Variants in RXRG observed in about 807,000 individuals in gnomAD.
RXRG encodes the protein retinoid X receptor gamma, also known as retinoic acid receptor RXR-gamma.
Under a neutral mutation model 49.2 loss-of-function variants are expected in RXRG, and 19 were observed. The observed-to-expected ratio is 0.39, with a 90% CI of 0.27 to 0.57. The LOEUF (loss-of-function observed/expected upper bound fraction) is 0.57. Ranked by LOEUF, RXRG falls within the 20% of genes least tolerant of loss-of-function variation. The pLI is 0.64. For synonymous variants in RXRG, 224 were observed against 216.6 expected, an observed-to-expected ratio of 1.03 and a Z score of -0.30; for missense variants, 452 against 592.5, an observed-to-expected ratio of 0.76 and a Z score of 2.46.
intron 1 of RXRG, among the ~76,000 whole-genome samples, chr1:165,431,185 C>T (rs1007291931): frequency 6.6e-6 from 1 of 152,328 alleles, no homozygotes; most frequent in South Asian, 2.1e-4. Flanking sequence ...AACCCACGCT[C>T]TCCTCTGTGT....
chr1:165,436,317 G>A (rs1400315734), intron 1 of RXRG, among the ~76,000 whole-genome samples: 1 of 152,228 alleles, frequency 6.6e-6, no homozygotes, highest in Non-Finnish European at 1.5e-5. Context: ...GAACCACAGT[G>A]AGTCCTCCTC....
chr1:165,439,263 G>C (rs1310547358), intron 1 of RXRG, among the ~76,000 whole-genome samples: 1 of 130,164 alleles, frequency 7.7e-6, no homozygotes, highest in Non-Finnish European at 1.6e-5. Context: ...TTAGGGGAGG[G>C]GGGCGGGGGT....
At chr1:165,419,017 T>C (rs1252856453) in intron 3 of RXRG, among the ~76,000 whole-genome samples, 1 of 152,192 alleles carries the variant, frequency 6.6e-6, no homozygotes, top group Non-Finnish European at 1.5e-5. Flanking sequence ...TGGACAGCTA[T>C]AGAAAAGAGA....
chr1:165,414,384 C>A (rs4657437), intron 4 of RXRG, among the ~76,000 whole-genome samples: 44,063 of 152,088 alleles, frequency 0.29, 7,717 homozygotes, highest in Non-Finnish European at 0.38. Context: ...AAACATTTAA[C>A]GAACCACAGT....
intron 2 of RXRG, chr1:165,424,934 G>C: frequency 1.0e-6 from 1 of 985,556 alleles, no homozygotes; most frequent in Non-Finnish European, 1.2e-6. Flanking sequence ...CATTGCTGCA[G>C]TGTGGTTCCG....
intron 1 of RXRG, among the ~76,000 whole-genome samples, chr1:165,441,089 C>T (rs2101749888): frequency 6.6e-6 from 1 of 152,344 alleles, no homozygotes; most frequent in Non-Finnish European, 1.5e-5. Flanking sequence ...CACATACAAG[C>T]AGGTCCAACT....
intron 2 of RXRG, among the ~76,000 whole-genome samples, chr1:165,421,350 C>G (rs1571277164): frequency 6.6e-6 from 1 of 152,132 alleles, no homozygotes; most frequent in South Asian, 2.1e-4. Flanking sequence ...TCCAGCACCA[C>G]CCCTTTTTTT....
At chr1:165,425,202 T>G (rs2101730756) in intron 2 of RXRG, among the ~76,000 whole-genome samples, 1 of 152,362 alleles carries the variant, frequency 6.6e-6, no homozygotes, top group Non-Finnish European at 1.5e-5. Context: ...CAGACTTGAG[T>G]GTGGTTGCTA....
Position 165,428,872 on chromosome 1 carries a change from G to A in RXRG, c.144C>T (p.Thr48=), listed in dbSNP as rs777314160. The A allele has an allele frequency of 1.2e-6, 2 of 1,614,108 alleles. No homozygotes were observed. Among genetic ancestry groups the A allele is most frequent in the South Asian group, 2.2e-5 (2 of 91,078 alleles). ...TCAGAGTCCGTGGGGCACTCACTGGGGTATCTGTGTAGCTGGGGTGGCTGT... is the reference window on the plus strand; with the variant it reads ...TCAGAGTCCGTGGGGCACTCACTGGAGTATCTGTGTAGCTGGGGTGGCTGT... The part of the protein sequence containing the change: ...PMDSHPSYTD[T]PVSAPRTLSA... Residue 48 remains threonine (T), a synonymous_variant, in exon 2 of 10, where the codon ACC becomes ACT. Transcript: ENST00000359842.
intron 1 of RXRG, among the ~76,000 whole-genome samples, chr1:165,434,967 T>C (rs1001950621): frequency 5.3e-5 from 8 of 152,214 alleles, no homozygotes; most frequent in African/African-American, 1.9e-4. Context: ...TAATAACTAA[T>C]ATTTACTGAG....
intron 2 of RXRG, 98 bp downstream of exon 2, chr1:165,428,621 G>T: frequency 7.3e-7 from 1 of 1,378,912 alleles, no homozygotes; most frequent in Non-Finnish European, 9.9e-7. Flanking sequence ...TGGCAAGCAC[G>T]CATTATGGAC....
At chr1:165,425,623 G>A (rs1658459571) in intron 2 of RXRG, among the ~76,000 whole-genome samples, 1 of 152,220 alleles carries the variant, frequency 6.6e-6, no homozygotes, top group Non-Finnish European at 1.5e-5. Context: ...CATACATTAT[G>A]AAGCATAGGG....
rs1238645397 is a variant in RXRG at position 165,417,119 on chromosome 1, G to A, written c.544C>T (p.Leu182Phe). ...IYTCRDNKDC[L>F]IDKRQRNRCQ... ...CGGTTGCGCTGACGCTTGTCAATGA[G>A]GCAGTCTTTATTATCCCGACACGTG... The change falls in exon 4 of 10, where the codon CTC becomes TTC. Residue 182 changes from leucine (L) to phenylalanine (F), a missense_variant. Physicochemically the swap from Leu to Phe is conservative, Grantham distance 22 (BLOSUM62 0). Around this residue, in one of 2 missense-constraint regions of RXRG, gnomAD observed 286 missense variants for 440.9 expected, o/e 0.65. Coordinates refer to ENST00000359842, the MANE Select transcript of RXRG (RefSeq NM_006917.5). The A allele has an allele frequency of 3.1e-6, 5 of 1,614,066 alleles. No individual in the cohort carries two copies. The highest frequency in any genetic ancestry group is 4.2e-6 in the Non-Finnish European group (5 of 1,180,022).
intron 2 of RXRG, among the ~76,000 whole-genome samples, chr1:165,424,463 C>G (rs1048432169): frequency 2.0e-5 from 3 of 152,222 alleles, no homozygotes; most frequent in Non-Finnish European, 4.4e-5. Context: ...TCTTCTTTGA[C>G]ATGCCTAAAA....
chr1:165,443,843 G>A (rs1266652569), intron 1 of RXRG, among the ~76,000 whole-genome samples: 1 of 152,188 alleles, frequency 6.6e-6, no homozygotes, highest in Non-Finnish European at 1.5e-5. Flanking sequence ...AGGAAGTCTG[G>A]AGAGCAGGGA....
chr1:165,412,540 C>T (rs944991574), intron 4 of RXRG, among the ~76,000 whole-genome samples: 10 of 152,282 alleles, frequency 6.6e-5, no homozygotes, highest in African/African-American at 2.4e-4. Context: ...TTAGTAAGCC[C>T]CAGATCCCTT....
At chr1:165,435,266 T>C (rs1658789264) in intron 1 of RXRG, among the ~76,000 whole-genome samples, 1 of 152,248 alleles carries the variant, frequency 6.6e-6, no homozygotes, top group African/African-American at 2.4e-5. Flanking sequence ...TAACATTTAT[T>C]AGGCAACTTC....
intron 3 of RXRG, among the ~76,000 whole-genome samples, chr1:165,419,617 T>C (rs184836772): frequency 3.9e-4 from 60 of 152,314 alleles, no homozygotes; most frequent in African/African-American, 1.4e-3. Flanking sequence ...CTCAGATACA[T>C]GTGTAATAGT....
At chr1:165,429,038 G>GC in intron 1 of RXRG, 72 bp from the exon 2 acceptor site, 1 of 1,507,556 alleles carries the variant, frequency 6.6e-7, no homozygotes, top group Non-Finnish European at 8.9e-7. Flanking sequence ...CAGAGGCCTA[G>GC]CCCCACCTTT....
Sources: allele counts gnomAD v4.1 joint callset (sites outside exome capture counted in the v4.1 genomes callset), GRCh38; gene constraint gnomAD v4.1.1; regional missense constraint gnomAD v4.1.1; transcripts MANE v1.5; gene names NCBI Gene and HGNC (gene_info 2026-07-23, HGNC 2026-07-21).